ROBO1: variants seen among roughly 807,000 people sequenced by gnomAD.
ROBO1 encodes the protein roundabout homolog 1.
In ROBO1, 149 loss-of-function variants were observed where a neutral mutation model predicts 195.9. The ratio of observed to expected loss-of-function variants is 0.76; its 90% CI spans 0.67 to 0.87. ROBO1 has a LOEUF of 0.87. Ranked by LOEUF, ROBO1 falls within the 40% of genes least tolerant of loss-of-function variation. The pLI, the probability that ROBO1 is intolerant of heterozygous loss-of-function variation, is 0.00. For missense variants in ROBO1, 1,933 were observed against 2,068.3 expected, an observed-to-expected ratio of 0.93 and a Z score of 1.27; for synonymous variants, 816 against 733.2, an observed-to-expected ratio of 1.11 and a Z score of -1.82.
At chr3:79,446,285 A>T (rs1218146074) in intron 2 of ROBO1, among the ~76,000 whole-genome samples, 1 of 152,218 alleles carries the variant, frequency 6.6e-6, no homozygotes, top group Non-Finnish European at 1.5e-5. Context: ...AAATCCGCAG[A>T]TCCTCTAAAA....
intron 1 of ROBO1, among the ~76,000 whole-genome samples, chr3:79,694,219 C>A (rs947332053): frequency 3.3e-5 from 5 of 151,726 alleles, no homozygotes; most frequent in Non-Finnish European, 7.4e-5. Context: ...ATACAAATTC[C>A]TTACAGAAAC....
chr3:79,530,782 C>T (rs1031575906), intron 2 of ROBO1, among the ~76,000 whole-genome samples: 1 of 145,242 alleles, frequency 6.9e-6, no homozygotes, highest in Non-Finnish European at 1.5e-5. Context: ...CACACACACA[C>T]ACACACACAC....
intron 4 of ROBO1, among the ~76,000 whole-genome samples, chr3:78,810,917 C>T (rs1350799171): frequency 6.6e-6 from 1 of 152,146 alleles, no homozygotes; most frequent in Non-Finnish European, 1.5e-5. Context: ...AATTTTCCTA[C>T]TTTCAATCAA....
intron 2 of ROBO1, among the ~76,000 whole-genome samples, chr3:79,368,377 A>G (rs559114985): frequency 2.0e-5 from 3 of 152,318 alleles, no homozygotes; most frequent in East Asian, 1.9e-4. Flanking sequence ...ACTGCAAACT[A>G]CTATGCAACT....
rs375186931 is a variant in ROBO1 at position 78,981,788 on chromosome 3, A to AACACACACAC, written c.173-42871_173-42862dup. ...CCGCTCCCATCCCCTGGCCCCTGCC[A>AACACACACAC]ACACACACACACACACACACACACA... is the stretch of plus-strand genomic sequence containing the variant. On this transcript the variant is annotated intron_variant, in intron 3 of 30. Coordinates refer to ENST00000464233, the MANE Select transcript of ROBO1 (RefSeq NM_002941.4). Among the ~76,000 whole-genome samples, 164 of 140,760 alleles carry AACACACACAC rather than the reference A, an allele frequency of 1.2e-3. 1 individual carries two copies. Among genetic ancestry groups the AACACACACAC allele is most frequent in the African/African-American group, 4.0e-3 (154 of 38,030 alleles). The allele number at this position is 140,760 out of a possible 152,430, so 92.3% of individuals were successfully genotyped here.
chr3:79,049,971 A>C (rs2078666536), intron 3 of ROBO1, among the ~76,000 whole-genome samples: 1 of 152,184 alleles, frequency 6.6e-6, no homozygotes, highest in Admixed American at 6.5e-5. Flanking sequence ...TGACGCTATG[A>C]ATAAACTGCA....
chr3:79,317,008 T>C (rs572253649), intron 2 of ROBO1, among the ~76,000 whole-genome samples: 16 of 152,154 alleles, frequency 1.1e-4, no homozygotes, highest in Admixed American at 3.3e-4. Context: ...TACACTTTTT[T>C]TCACACACAA....
At chr3:79,302,794 T>C (rs1559803307) in intron 2 of ROBO1, among the ~76,000 whole-genome samples, 1 of 152,110 alleles carries the variant, frequency 6.6e-6, no homozygotes, top group Non-Finnish European at 1.5e-5. Flanking sequence ...ATTGCCTAAA[T>C]TGACATCATA....
At chr3:79,155,810 T>C (rs1335296253) in intron 2 of ROBO1, among the ~76,000 whole-genome samples, 10 of 151,738 alleles carry the variant, frequency 6.6e-5, no homozygotes, top group African/African-American at 2.2e-4. Context: ...CCAAATTGTC[T>C]TGCAAAAATG....
intron 14 of ROBO1, among the ~76,000 whole-genome samples, chr3:78,664,069 CATT>C (rs908976125): frequency 6.6e-5 from 10 of 152,064 alleles, no homozygotes; most frequent in Non-Finnish European, 1.0e-4. Context: ...CAGTCTATAA[CATT>C]ATAATAGAAA....
chr3:79,735,897 A>C (rs1038409886), intron 1 of ROBO1, among the ~76,000 whole-genome samples: 40 of 122,532 alleles, frequency 3.3e-4, no homozygotes, highest in African/African-American at 7.5e-4. Context: ...CAAAAAAAAA[A>C]CAAAAAATGC....
chr3:79,678,519 G>T (rs1946850618), intron 1 of ROBO1, among the ~76,000 whole-genome samples: 1 of 151,940 alleles, frequency 6.6e-6, no homozygotes, highest in South Asian at 2.1e-4. Context: ...ACACTTTAAA[G>T]AATACTAGGA....
chr3:79,149,526 T>C (rs1349476594), intron 2 of ROBO1, among the ~76,000 whole-genome samples: 1 of 150,898 alleles, frequency 6.6e-6, no homozygotes, highest in Non-Finnish European at 1.5e-5. Flanking sequence ...GTTGTTGTTG[T>C]TGTTGTTGTT....
At chr3:79,122,279 C>T (rs2108563996) in intron 3 of ROBO1, among the ~76,000 whole-genome samples, 1 of 152,136 alleles carries the variant, frequency 6.6e-6, no homozygotes, top group African/African-American at 2.4e-5. Context: ...TGGGCCACTT[C>T]ACTGTAAATA....
chr3:79,457,349 GA>G (rs1438752543), intron 2 of ROBO1, among the ~76,000 whole-genome samples: 3 of 152,012 alleles, frequency 2.0e-5, no homozygotes, highest in Non-Finnish European at 4.4e-5. Context: ...TTATCTGTAT[GA>G]GGGGTACTCT....
intron 2 of ROBO1, among the ~76,000 whole-genome samples, chr3:79,566,172 A>G (rs1943084272): frequency 6.6e-6 from 1 of 152,138 alleles, no homozygotes; most frequent in South Asian, 2.1e-4. Context: ...CCAAAAAGAA[A>G]AGTCTTTTCT....
intron 2 of ROBO1, among the ~76,000 whole-genome samples, chr3:79,285,153 ATTC>A: frequency 6.6e-6 from 1 of 152,204 alleles, no homozygotes; most frequent in African/African-American, 2.4e-5. Flanking sequence ...CGAAGCATTT[ATTC>A]AAGAGTTTAT....
At chr3:78,622,602 G>A (rs1182574785) in intron 26 of ROBO1, among the ~76,000 whole-genome samples, 2 of 152,124 alleles carry the variant, frequency 1.3e-5, no homozygotes, top group Non-Finnish European at 2.9e-5. Context: ...ATTCTGAAAT[G>A]AGAACTCGCC....
chr3:79,687,192 T>C (rs1450822964), intron 1 of ROBO1, among the ~76,000 whole-genome samples: 2 of 152,112 alleles, frequency 1.3e-5, no homozygotes, highest in Non-Finnish European at 2.9e-5. Flanking sequence ...GCGTCCCTTC[T>C]TTACACCTTA....
Sources: gnomAD v4.1 joint callset for allele counts (sites outside exome capture counted in the v4.1 genomes callset) on GRCh38, gnomAD v4.1.1 for gene constraint, MANE v1.5 for transcripts, NCBI Gene and HGNC (gene_info 2026-07-23, HGNC 2026-07-21) for gene names.